The following AK7 variants were observed in gnomAD, a reference collection of about 807,000 sequenced individuals.
AK7 encodes the protein adenylate kinase 7.
AK7 carries 78 observed loss-of-function variants against 96.6 expected under a neutral mutation model. The observed-to-expected ratio is 0.81, with a 90% confidence interval of 0.67 to 0.97. AK7 has a LOEUF of 0.97. Ranked by LOEUF, AK7 falls within the 50% of genes least tolerant of loss-of-function variation. The pLI, the probability that AK7 is intolerant of heterozygous loss-of-function variation, is 0.00. For missense variants in AK7, 855 were observed against 887.9 expected (o/e 0.96, Z 0.47); for synonymous variants, 302 against 317.2 (o/e 0.95, Z 0.51).
rs1443830618 is a variant in AK7, at chr14:96,399,646, C to A, written c.294+1383C>A. 2.6e-5 allele frequency among the ~76,000 whole-genome samples: 4 copies of A among 152,182 alleles called. No individual in the cohort carries two copies. Among genetic ancestry groups the A allele is most frequent in the Non-Finnish European group, 5.9e-5 (4 of 68,040 alleles). ...GCCCTGGCCGATGTCACCAGCAGTC[C>A]CCTGACTCCCGAGGGGCTTAGCTCA... On this transcript the variant is annotated intron_variant, in intron 2 of 17. Transcript: ENST00000267584. The surrounding 1 kb of genome is among the most constrained non-coding windows in gnomAD (Gnocchi z 4.1).
chr14:96,480,228 T>G (rs772686494), intron 15 of AK7, among the ~76,000 whole-genome samples: 15 of 152,038 alleles, frequency 9.9e-5, no homozygotes, highest in Non-Finnish European at 1.9e-4. Flanking sequence ...GGTCAGGAGT[T>G]CAAGACCAGC....
At chr14:96,393,749 G>A (rs573959660) in intron 1 of AK7, among the ~76,000 whole-genome samples, 1 of 152,260 alleles carries the variant, frequency 6.6e-6, no homozygotes, top group African/African-American at 2.4e-5. Context: ...CACATTCACA[G>A]GTTCTAAGAG....
chr14:96,444,110 T>G (rs1216463299), intron 7 of AK7, among the ~76,000 whole-genome samples: 5 of 152,058 alleles, frequency 3.3e-5, no homozygotes. Flanking sequence ...GTTTACAAAG[T>G]GTGTTGGGCC....
At chr14:96,447,367 T>C (rs974665201) in intron 8 of AK7, among the ~76,000 whole-genome samples, 1 of 152,246 alleles carries the variant, frequency 6.6e-6, no homozygotes, top group Non-Finnish European at 1.5e-5. Context: ...CAGGCTGGAG[T>C]GCCGTGGTGT....
At chr14:96,439,773 A>C (rs532871102) in intron 6 of AK7, among the ~76,000 whole-genome samples, 1 of 152,160 alleles carries the variant, frequency 6.6e-6, no homozygotes, top group Non-Finnish European at 1.5e-5. Flanking sequence ...ATTTTTTGGC[A>C]CTAGGTAGGA....
intron 16 of AK7, among the ~76,000 whole-genome samples, chr14:96,485,218 A>G (rs1461351913): frequency 6.6e-6 from 1 of 152,254 alleles, no homozygotes. Context: ...TTCTCTGATC[A>G]CTAATCTTAC....
chr14:96,435,148 C>T (rs957941714), intron 5 of AK7, among the ~76,000 whole-genome samples: 2 of 152,096 alleles, frequency 1.3e-5, no homozygotes, highest in African/African-American at 2.4e-5. Context: ...TTTACTGTTC[C>T]CTCTGCTTTT....
intron 10 of AK7, among the ~76,000 whole-genome samples, chr14:96,455,358 C>T (rs8015593): frequency 6.6e-6 from 1 of 151,882 alleles, no homozygotes; most frequent in Admixed American, 6.6e-5. Flanking sequence ...GGTGGTGTGC[C>T]TCTGTAGTCC....
chr14:96,407,271 G>T (rs1450296067), intron 3 of AK7, among the ~76,000 whole-genome samples: 2 of 152,118 alleles, frequency 1.3e-5, no homozygotes, highest in Non-Finnish European at 2.9e-5. Context: ...GGGCAGAAAG[G>T]TTAAAAGAGC....
intron 8 of AK7, among the ~76,000 whole-genome samples, chr14:96,449,159 C>A (rs1893428859): frequency 6.6e-6 from 1 of 152,198 alleles, no homozygotes; most frequent in Admixed American, 6.5e-5. Flanking sequence ...TTCCTAAAGG[C>A]CCCAGCTCCT....
intron 15 of AK7, among the ~76,000 whole-genome samples, chr14:96,479,385 C>CTT (rs59937453): frequency 0.026 from 3,689 of 140,768 alleles, 155 homozygotes; most frequent in African/African-American, 0.09. Flanking sequence ...CCGACAAACT[C>CTT]TTTTTTTTTT....
At position 96,451,565 on chromosome 14, in the gene AK7, T is replaced by C. The variant is rs902347352; in HGVS notation, c.1093T>C (p.Leu365=). 5 of 1,515,550 alleles carry C rather than the reference T, an allele frequency of 3.3e-6. No individual in the cohort carries two copies. The highest frequency in any genetic ancestry group is 1.7e-4 in the Middle Eastern group (1 of 5,736). 93.9% of individuals were successfully genotyped at this position (1,515,550 alleles called of 1,614,324 possible). ...ILKEYKQSRG[L]MPIKICILGP... Reference sequence around the variant, plus strand: ...CAAGGAGTACAAGCAAAGCAGAGGATTGATGGTAACTATCACTGTTTCCCA... The same window carrying C: ...CAAGGAGTACAAGCAAAGCAGAGGACTGATGGTAACTATCACTGTTTCCCA... The change falls in exon 10 of 18, where the codon TTG becomes CTG. Residue 365 remains leucine, a synonymous_variant. Coordinates refer to ENST00000267584, the MANE Select transcript of AK7 (RefSeq NM_152327.5).
chr14:96,450,473 T>C (rs1893530919), intron 9 of AK7, among the ~76,000 whole-genome samples: 1 of 151,158 alleles, frequency 6.6e-6, no homozygotes, highest in South Asian at 2.1e-4. Context: ...ATTTGGAAGC[T>C]ATTTGATACG....
chr14:96,418,322 T>TA lies in AK7; in HGVS notation c.499-2485dup, dbSNP rs6145458. Reference sequence around the variant, plus strand: ...CTGGGCAACAGAGTGAGACCTTGTCTAAAAAAAAAAAAAAAGGCTTCAAAT... The same window carrying TA: ...CTGGGCAACAGAGTGAGACCTTGTCTAAAAAAAAAAAAAAAAGGCTTCAAAT... On this transcript the variant is annotated intron_variant, in intron 4 of 17. Transcript: ENST00000267584. Among the ~76,000 whole-genome samples, 321 of 41,818 alleles carry TA rather than the reference T, an allele frequency of 7.7e-3. 53 individuals are homozygous for TA. The highest frequency in any genetic ancestry group is 0.024 in the African/African-American group (282 of 11,940). 27.4% of individuals were successfully genotyped at this position (41,818 alleles called of 152,430 possible). A position where few individuals can be genotyped will look rare whatever the true frequency, so the allele number is the denominator to read the frequency against.
At chr14:96,424,629 C>A (rs1891919419) in intron 5 of AK7, among the ~76,000 whole-genome samples, 1 of 151,958 alleles carries the variant, frequency 6.6e-6, no homozygotes, top group Admixed American at 6.6e-5. Flanking sequence ...AACTTCGGTC[C>A]TATAAAAAAC....
intron 9 of AK7, among the ~76,000 whole-genome samples, chr14:96,450,385 C>T (rs1371439819): frequency 2.7e-5 from 4 of 150,592 alleles, no homozygotes; most frequent in African/African-American, 7.3e-5. Flanking sequence ...CATTGCACTC[C>T]AGCCTGGGCA....
chr14:96,446,431 C>A, intron 7 of AK7, 86 bp from the exon 8 acceptor site: 2 of 1,144,034 alleles, frequency 1.7e-6, no homozygotes, highest in Non-Finnish European at 2.6e-6. Flanking sequence ...CACGCCCAGC[C>A]ATGGGGGTGG....
intron 5 of AK7, chr14:96,424,336 A>ATT: frequency 2.9e-6 from 1 of 348,946 alleles, no homozygotes; most frequent in East Asian, 7.6e-5. Flanking sequence ...TGTTCTCAGT[A>ATT]TTTTACTCAT....
At chr14:96,434,654 C>G (rs1892542013) in intron 5 of AK7, among the ~76,000 whole-genome samples, 1 of 152,192 alleles carries the variant, frequency 6.6e-6, no homozygotes. Flanking sequence ...CATAACCAGC[C>G]AGGTCTGTTT....
Sources: gnomAD v4.1 joint callset for allele counts (sites outside exome capture counted in the v4.1 genomes callset) on GRCh38, gnomAD v4.1.1 for gene constraint, Gnocchi (gnomAD v3.1) non-coding constraint, MANE v1.5 for transcripts, NCBI Gene and HGNC (gene_info 2026-07-23, HGNC 2026-07-21) for gene names.